The following NYAP2 variants were observed in gnomAD, a reference collection of about 807,000 sequenced individuals.
The protein encoded by NYAP2 is neuronal tyrosine-phosphorylated phosphoinositide-3-kinase adapter 2.
A neutral mutation model predicts 50.4 loss-of-function variants in NYAP2; 23 were observed. The ratio of observed to expected loss-of-function variants is 0.46; its 90% CI spans 0.33 to 0.65. The LOEUF (loss-of-function observed/expected upper bound fraction) is 0.65, where lower values mean the gene tolerates loss of function less well. NYAP2 is among the 30% of genes least tolerant of loss of function. NYAP2 has a pLI of 0.02. For synonymous variants in NYAP2, 394 were observed against 365.2 expected (o/e 1.08, Z -0.90); for missense variants, 885 against 861.0 (o/e 1.03, Z -0.35).
chr2:225,594,252 G>A (rs1447623011), intron 5 of NYAP2, among the ~76,000 whole-genome samples: 5 of 152,112 alleles, frequency 3.3e-5, no homozygotes, highest in Non-Finnish European at 7.3e-5. Context: ...GGCCGGGTGC[G>A]GTGGCTGATG....
intron 4 of NYAP2, among the ~76,000 whole-genome samples, chr2:225,537,014 G>T (rs1051836729): frequency 1.3e-5 from 2 of 152,036 alleles, no homozygotes. Context: ...TCCTTACCTT[G>T]TGATCCGCTC....
At chr2:225,461,222 C>G (rs1689826396) in intron 3 of NYAP2, among the ~76,000 whole-genome samples, 2 of 152,036 alleles carry the variant, frequency 1.3e-5, no homozygotes, top group South Asian at 4.1e-4. Context: ...GATTCTGGCC[C>G]AGAAAAGCCT....
intron 4 of NYAP2, among the ~76,000 whole-genome samples, chr2:225,580,443 C>T (rs1192077688): frequency 1.3e-5 from 2 of 152,186 alleles, no homozygotes; most frequent in Non-Finnish European, 2.9e-5. Context: ...AAAGACTTTA[C>T]TGCTACAGCC....
chr2:225,491,620 C>T (rs770162827), intron 3 of NYAP2, among the ~76,000 whole-genome samples: 5 of 152,166 alleles, frequency 3.3e-5, no homozygotes, highest in South Asian at 4.1e-4. Context: ...TCCTCCAATA[C>T]GTATGTTGCA....
intron 3 of NYAP2, among the ~76,000 whole-genome samples, chr2:225,435,169 A>G (rs1286556681): frequency 6.6e-6 from 1 of 152,142 alleles, no homozygotes; most frequent in Non-Finnish European, 1.5e-5. Flanking sequence ...TATATCCCAG[A>G]CAGTTGCTAT....
the NYAP2 span, among the ~76,000 whole-genome samples, chr2:225,679,425 C>T: frequency 1.3e-5 from 2 of 148,786 alleles, no homozygotes; most frequent in Non-Finnish European, 3.0e-5. Flanking sequence ...AACAGAATTT[C>T]AAACAACATT....
At chr2:225,559,046 G>A (rs1246573798) in intron 4 of NYAP2, among the ~76,000 whole-genome samples, 1 of 152,076 alleles carries the variant, frequency 6.6e-6, no homozygotes, top group Non-Finnish European at 1.5e-5. Flanking sequence ...TATATTAGGA[G>A]GTGGAGGCTG....
chr2:225,554,796 T>A (rs1691747712), intron 4 of NYAP2, among the ~76,000 whole-genome samples: 1 of 152,166 alleles, frequency 6.6e-6, no homozygotes, highest in Non-Finnish European at 1.5e-5. Context: ...AATAAGTAGC[T>A]TATAGCTTCT....
intron 3 of NYAP2, among the ~76,000 whole-genome samples, chr2:225,415,190 G>T (rs1695103643): frequency 6.6e-6 from 1 of 151,890 alleles, no homozygotes; most frequent in Admixed American, 6.6e-5. Context: ...ATTACTTACA[G>T]CTCCTTTAAA....
intron 5 of NYAP2, among the ~76,000 whole-genome samples, chr2:225,595,443 A>C (rs955874633): frequency 6.6e-6 from 1 of 152,232 alleles, no homozygotes; most frequent in Non-Finnish European, 1.5e-5. Context: ...TTTAAGTTAC[A>C]CATTCTGGAC....
intron 3 of NYAP2, among the ~76,000 whole-genome samples, chr2:225,507,992 G>T (rs1424011829): frequency 6.6e-6 from 1 of 152,154 alleles, no homozygotes; most frequent in Non-Finnish European, 1.5e-5. Context: ...TTGTTTGGTG[G>T]AGATATTTAC....
the NYAP2 span, among the ~76,000 whole-genome samples, chr2:225,662,541 G>A: frequency 6.6e-6 from 1 of 152,226 alleles, no homozygotes; most frequent in Admixed American, 6.5e-5. Context: ...AAGTGGGAGG[G>A]GGGAACCCCA....
In NYAP2 at chr2:225,646,507, C is replaced by T. The variant is rs190937581; in HGVS notation, c.1829-4925C>T. Among the ~76,000 whole-genome samples, 199 of 152,228 alleles carry T rather than the reference C, an allele frequency of 1.3e-3. 1 individual carries two copies. Among genetic ancestry groups the T allele is most frequent in the African/African-American group, 4.3e-3 (179 of 41,558 alleles). On this transcript the variant is annotated intron_variant, in intron 6 of 6. Transcript: ENST00000636099. The stretch of plus-strand genomic sequence containing the variant: ...CAGAGATTGCGGTGAGCCAAGATTG[C>T]GCCATTGCACTCCAGCCTGGGCAAC...
At chr2:225,419,442 C>T (rs1490042582) in intron 3 of NYAP2, among the ~76,000 whole-genome samples, 4 of 152,132 alleles carry the variant, frequency 2.6e-5, no homozygotes, top group African/African-American at 9.7e-5. Flanking sequence ...TGGAGTAATG[C>T]TGTGGATGTG....
chr2:225,454,215 A>G (rs1014366163), intron 3 of NYAP2, among the ~76,000 whole-genome samples: 1 of 152,184 alleles, frequency 6.6e-6, no homozygotes, highest in Non-Finnish European at 1.5e-5. Flanking sequence ...AATCCCAGCT[A>G]TAATGCCTGG....
intron 4 of NYAP2, among the ~76,000 whole-genome samples, chr2:225,538,781 TCTTTCTTTC>T (rs1691397757): frequency 2.0e-4 from 1 of 4,926 alleles, no homozygotes; most frequent in African/African-American, 9.4e-4. Flanking sequence ...TCTTTTCTTT[TCTTTCTTTC>T]TTTCTTTCTT....
In NYAP2 at chr2:225,493,013, G is replaced by T. The variant is rs143824399; in HGVS notation, c.222-20358G>T. Among the ~76,000 whole-genome samples the T allele has an allele frequency of 4.4e-3, 658 of 151,076 alleles. 5 individuals carry two copies. The highest frequency in any genetic ancestry group is 0.015 in the African/African-American group (626 of 41,052). On this transcript the variant is annotated intron_variant, in intron 3 of 6. Coordinates refer to ENST00000636099, the Ensembl canonical transcript of NYAP2. ...CAACTTTTTTTTTTTTTTAGACAGG[G>T]TCTCACTGTGTCACCCAGGCTGGAG...
the NYAP2 span, among the ~76,000 whole-genome samples, chr2:225,660,458 T>TTC: frequency 6.6e-6 from 1 of 151,624 alleles, no homozygotes; most frequent in Non-Finnish European, 1.5e-5. Flanking sequence ...TTTTTTTTTT[T>TTC]TGCCAACCTC....
chr2:225,626,784 A>C (rs943598581), intron 5 of NYAP2, 133 bp from the exon 6 acceptor site: 1 of 673,382 alleles, frequency 1.5e-6, no homozygotes, highest in Non-Finnish European at 2.6e-6. Context: ...TTATATTTAA[A>C]TGTTGTAGTC....
Sources: gnomAD v4.1 joint callset for allele counts (sites outside exome capture counted in the v4.1 genomes callset) on GRCh38, gnomAD v4.1.1 for gene constraint, MANE v1.5 for transcripts, NCBI Gene and HGNC (gene_info 2026-07-23, HGNC 2026-07-21) for gene names.